The following TCEANC variants were observed in gnomAD, a reference collection of about 807,000 sequenced individuals.
The protein encoded by TCEANC is transcription elongation factor A N-terminal and central domain-containing protein.
Under a neutral mutation model 8.7 loss-of-function variants are expected in TCEANC, and 8 were observed. The observed-to-expected ratio is 0.92, with a 90% CI of 0.54 to 1.65. TCEANC has a LOEUF of 1.65. Among genes scored for constraint, TCEANC ranks in the 40% most tolerant of loss-of-function variants. The probability of loss-of-function intolerance (pLI) is 0.00; values close to 1 mark genes in which losing one functional copy is unlikely to be tolerated. For missense variants in TCEANC, 255 were observed against 251.9 expected, an observed-to-expected ratio of 1.01 and a Z score of -0.08; for synonymous variants, 78 against 92.9, an observed-to-expected ratio of 0.84 and a Z score of 0.92.
intron 1 of TCEANC, among the ~76,000 whole-genome samples, 183 bp downstream of exon 2, chrX:13,655,556 A>G (rs1454504824): frequency 8.9e-6 from 1 of 112,363 alleles, no homozygotes; most frequent in Non-Finnish European, 1.9e-5. Flanking sequence ...CATTCGGTCC[A>G]GGAGCAGAAC....
chrX:13,655,405 T>A, intron 1 of TCEANC, 32 bp downstream of exon 2: 1 of 112,603 alleles, frequency 8.9e-6, no homozygotes, highest in Admixed American at 9.4e-5. Context: ...AGGAATTGTG[T>A]ACATTATGAC....
At chrX:13,655,091 G>A (rs2045914935), upstream of TCEANC, among the ~76,000 whole-genome samples, 1 of 111,654 alleles carries the variant, frequency 9.0e-6, no homozygotes. Flanking sequence ...TTAAGTAATA[G>A]TAAGCACTGA....
At chrX:13,654,259 A>G (rs2146722758), upstream of TCEANC, among the ~76,000 whole-genome samples, 1 of 112,980 alleles carries the variant, frequency 8.9e-6, no homozygotes, top group South Asian at 3.6e-4. Context: ...TGTGGTTTAC[A>G]TGTTATATAT....
At chrX:13,660,691 C>G (rs146390879) in intron 1 of TCEANC, among the ~76,000 whole-genome samples, 1,984 of 112,323 alleles carry the variant, frequency 0.018, 43 homozygotes, top group African/African-American at 0.06. Flanking sequence ...TTTTATTTAT[C>G]CATTCATCAG....
At chrX:13,654,068 G>A (rs2045904755), upstream of TCEANC, among the ~76,000 whole-genome samples, 1 of 112,503 alleles carries the variant, frequency 8.9e-6, no homozygotes, top group Non-Finnish European at 1.9e-5. Flanking sequence ...TGTGCTGTAA[G>A]TGTAAGACAC....
At chrX:13,653,429 C>G (rs1445487510), upstream of TCEANC, 1 of 111,917 alleles carries the variant, frequency 8.9e-6, no homozygotes, top group Non-Finnish European at 1.9e-5. Flanking sequence ...AGATGATTAG[C>G]GGCAGGCTTT....
In TCEANC at chrX:13,665,252, G is replaced by C. The variant is rs931432263; in HGVS notation, c.*1688G>C. 2.4e-5 allele frequency: 3 copies of C among 123,585 alleles called. No homozygotes were observed. In the Admixed American group the frequency reaches 2.8e-4, roughly 12 times the overall value. The allele number at this position is 123,585 out of a possible 1,213,427, so 10.2% of individuals were successfully genotyped here. On this transcript the variant is annotated 3_prime_UTR_variant, in exon 2 of 2. Transcript: ENST00000380600. ...GGAATAATCTGAAAAACTATTCAGTGGTTACGAAAGAGCACAGCACATAAA... is the reference window on the plus strand; with the variant it reads ...GGAATAATCTGAAAAACTATTCAGTCGTTACGAAAGAGCACAGCACATAAA...
At chrX:13,661,787 A>T (rs2045968152) in intron 1 of TCEANC, among the ~76,000 whole-genome samples, 1 of 112,305 alleles carries the variant, frequency 8.9e-6, no homozygotes, top group Non-Finnish European at 1.9e-5. Context: ...AAAATTAACA[A>T]AACCAAAATG....
exon 2 of TCEANC, chrX:13,664,660 T>C (rs1474590909): frequency 8.1e-6 from 1 of 123,000 alleles, no homozygotes; most frequent in East Asian, 2.8e-4. Flanking sequence ...GAGATGGACA[T>C]TAATGGTCAT....
exon 2 of TCEANC, chrX:13,665,356 A>G (rs1434372111): frequency 1.6e-5 from 2 of 123,811 alleles, no homozygotes; most frequent in East Asian, 2.8e-4. Context: ...TTTTATTTAT[A>G]TTGGAATTTG....
At chrX:13,653,960 C>T (rs1233607309), upstream of TCEANC, among the ~76,000 whole-genome samples, 1 of 111,877 alleles carries the variant, frequency 8.9e-6, no homozygotes, top group Non-Finnish European at 1.9e-5. Flanking sequence ...AAGCATTATC[C>T]ATATTAGCAT....
At chrX:13,658,605 C>A (rs1181496259) in intron 1 of TCEANC, among the ~76,000 whole-genome samples, 1 of 111,671 alleles carries the variant, frequency 9.0e-6, no homozygotes, top group Non-Finnish European at 1.9e-5. Flanking sequence ...AGAAATGAAT[C>A]AATCACCTTC....
chrX:13,662,409 A>G (rs2045973080), intron 1 of TCEANC, 92 bp from the exon 5 acceptor site: 1 of 789,259 alleles, frequency 1.3e-6, no homozygotes, highest in African/African-American at 2.1e-5. Flanking sequence ...AACATTGCCT[A>G]GGTAACTGAC....
At chrX:13,657,401 A>G (rs1036610255) in intron 1 of TCEANC, among the ~76,000 whole-genome samples, 1 of 111,736 alleles carries the variant, frequency 8.9e-6, no homozygotes, top group Non-Finnish European at 1.9e-5. Flanking sequence ...ATGATGTGGA[A>G]AAATAGTCCT....
intron 1 of TCEANC, among the ~76,000 whole-genome samples, chrX:13,656,983 G>A (rs1216343078): frequency 8.9e-6 from 1 of 112,134 alleles, no homozygotes; most frequent in Non-Finnish European, 1.9e-5. Flanking sequence ...TGGGTGCAGA[G>A]TTTTCAGTTT....
chrX:13,656,978 G>A (rs1713621565), intron 1 of TCEANC, among the ~76,000 whole-genome samples: 1 of 112,237 alleles, frequency 8.9e-6, no homozygotes, highest in Admixed American at 9.4e-5. Context: ...TTTAATGGGT[G>A]CAGAGTTTTC....
chrX:13,655,280 G>A (rs892126871), upstream of TCEANC: 12 of 112,255 alleles, frequency 1.1e-4, no homozygotes, highest in African/African-American at 3.9e-4. Flanking sequence ...GCCATTATCT[G>A]TATTGCAGGA....
chrX:13,663,223 T>C, exon 2 of TCEANC: 1 of 1,205,559 alleles, frequency 8.3e-7, no homozygotes, highest in Non-Finnish European at 1.1e-6. Flanking sequence ...AAATTCTCAT[T>C]TACAACAAAA....
chrX:13,660,416 C>G (rs1204300349), intron 1 of TCEANC, among the ~76,000 whole-genome samples: 1 of 111,737 alleles, frequency 8.9e-6, no homozygotes, highest in Non-Finnish European at 1.9e-5. Flanking sequence ...CAAGAAAATC[C>G]CTGAACTTTA....
Sources: allele counts gnomAD v4.1 joint callset (sites outside exome capture counted in the v4.1 genomes callset), GRCh38; gene constraint gnomAD v4.1.1; transcripts MANE v1.5; gene names NCBI Gene and HGNC (gene_info 2026-07-23, HGNC 2026-07-21).